INSYN2B: variants seen among roughly 807,000 people sequenced by gnomAD.
INSYN2B encodes inhibitory synaptic factor family member 2B.
INSYN2B carries 16 observed loss-of-function variants against 41.2 expected under a neutral mutation model. The ratio of observed to expected loss-of-function variants is 0.39; its 90% CI spans 0.26 to 0.59. The LOEUF (loss-of-function observed/expected upper bound fraction) is 0.59. Among genes scored for constraint, INSYN2B ranks in the 20% least tolerant of loss-of-function variants. The probability of loss-of-function intolerance (pLI) is 0.57; values close to 1 mark genes in which losing one functional copy is unlikely to be tolerated. For missense variants in INSYN2B, 608 were observed against 646.4 expected, an observed-to-expected ratio of 0.94 and a Z score of 0.64; for synonymous variants, 245 against 244.4, an observed-to-expected ratio of 1.00 and a Z score of -0.02.
At chr5:169,895,957 C>T (rs1443365558) in intron 1 of INSYN2B, among the ~76,000 whole-genome samples, 4 of 152,216 alleles carry the variant, frequency 2.6e-5, no homozygotes, top group African/African-American at 4.8e-5. Flanking sequence ...TACCACTACC[C>T]TTGTCTTGCC....
intron 1 of INSYN2B, among the ~76,000 whole-genome samples, chr5:169,926,632 T>C (rs1462499935): frequency 6.6e-6 from 1 of 152,180 alleles, no homozygotes; most frequent in African/African-American, 2.4e-5. Context: ...TGCATTAGAA[T>C]GCATTATGCC....
intron 1 of INSYN2B, among the ~76,000 whole-genome samples, chr5:169,916,759 T>C (rs1774895884): frequency 6.6e-6 from 1 of 152,210 alleles, no homozygotes; most frequent in East Asian, 1.9e-4. Context: ...ATTTGGCATA[T>C]ATAAGTCATT....
chr5:169,963,378 C>T (rs998249035), intron 1 of INSYN2B, among the ~76,000 whole-genome samples: 20 of 152,146 alleles, frequency 1.3e-4, no homozygotes, highest in African/African-American at 4.8e-4. Context: ...GGCCTCCATC[C>T]CTCTCTGCTC....
intron 1 of INSYN2B, among the ~76,000 whole-genome samples, chr5:169,917,473 T>C (rs911930017): frequency 1.3e-5 from 2 of 152,184 alleles, no homozygotes; most frequent in Non-Finnish European, 2.9e-5. Flanking sequence ...TGACTATCAG[T>C]GGAGCAGATT....
intron 3 of INSYN2B, among the ~76,000 whole-genome samples, chr5:169,879,499 ACAGT>A (rs1315028288): frequency 2.0e-5 from 3 of 152,186 alleles, no homozygotes; most frequent in African/African-American, 7.2e-5. Context: ...TTCTGGGAGA[ACAGT>A]CTGGCTTTGA....
chr5:169,980,299 C>T lies in INSYN2B; in HGVS notation c.-941G>A, dbSNP rs1777894347. On this transcript the variant is annotated 5_prime_UTR_variant, in exon 1 of 4. Transcript: ENST00000377365. ...TACCTTGAAGCAGTGGAATTACCTG[C>T]AGAGGATGGTCCCCCTTCCTTGCAC... is the stretch of plus-strand genomic sequence containing the variant. The T allele has an allele frequency of 6.6e-6, 1 of 152,190 alleles. No homozygotes were observed. Among genetic ancestry groups the T allele is most frequent in the Admixed American group, 6.5e-5 (1 of 15,274 alleles). The allele number at this position is 152,190 out of a possible 1,614,324, so 9.4% of individuals were successfully genotyped here. A position where few individuals can be genotyped will look rare whatever the true frequency, so the allele number is the denominator to read the frequency against.
At chr5:169,926,133 C>G (rs1283321647) in intron 1 of INSYN2B, among the ~76,000 whole-genome samples, 1 of 152,140 alleles carries the variant, frequency 6.6e-6, no homozygotes, top group Non-Finnish European at 1.5e-5. Context: ...TCTGGGAAGC[C>G]AGTCAGGCCA....
chr5:169,932,183 T>A (rs1775786552), intron 1 of INSYN2B, among the ~76,000 whole-genome samples: 2 of 152,126 alleles, frequency 1.3e-5, no homozygotes, highest in South Asian at 4.1e-4. Flanking sequence ...ACGGTGAGTA[T>A]CTGATTTTTA....
chr5:169,970,200 A>G (rs942581777), intron 1 of INSYN2B, among the ~76,000 whole-genome samples: 2 of 152,250 alleles, frequency 1.3e-5, no homozygotes, highest in South Asian at 2.1e-4. Context: ...GATGCCGTGC[A>G]CAGAATGTAA....
intron 1 of INSYN2B, among the ~76,000 whole-genome samples, chr5:169,954,948 G>C (rs1194655884): frequency 6.6e-6 from 1 of 152,188 alleles, no homozygotes; most frequent in Non-Finnish European, 1.5e-5. Flanking sequence ...ACCTAGCAGG[G>C]GCATTAGGAA....
At chr5:169,921,292 G>C (rs560273106) in intron 1 of INSYN2B, among the ~76,000 whole-genome samples, 1 of 152,228 alleles carries the variant, frequency 6.6e-6, no homozygotes, top group South Asian at 2.1e-4. Flanking sequence ...ATATTATATA[G>C]GAAATCTCAT....
At chr5:169,873,469 G>A (rs771847231) in intron 3 of INSYN2B, among the ~76,000 whole-genome samples, 1 of 152,318 alleles carries the variant, frequency 6.6e-6, no homozygotes, top group Middle Eastern at 3.4e-3. Context: ...TTTGATGAGA[G>A]CTGCAAATGC....
At chr5:169,876,141 G>A (rs560046016) in intron 3 of INSYN2B, among the ~76,000 whole-genome samples, 4 of 152,150 alleles carry the variant, frequency 2.6e-5, no homozygotes, top group Non-Finnish European at 5.9e-5. Context: ...CTCCTTCTCT[G>A]ACTCTGATCC....
intron 1 of INSYN2B, among the ~76,000 whole-genome samples, chr5:169,927,955 T>C (rs986666460): frequency 2.0e-5 from 3 of 152,224 alleles, no homozygotes; most frequent in Non-Finnish European, 2.9e-5. Context: ...TGAGATGGTA[T>C]AACCAGCAGG....
At chr5:169,875,333 C>T (rs544701543) in intron 3 of INSYN2B, 60 of 456,498 alleles carry the variant, frequency 1.3e-4, no homozygotes, top group Non-Finnish European at 2.5e-4. Flanking sequence ...CAGGAGGTTC[C>T]GATGCAGATG....
intron 3 of INSYN2B, among the ~76,000 whole-genome samples, chr5:169,867,447 A>ATCTGTCTG (rs80041345): frequency 6.6e-6 from 1 of 150,846 alleles, no homozygotes; most frequent in Non-Finnish European, 1.5e-5. Flanking sequence ...CTATCTATCT[A>ATCTGTCTG]TCTGTCTGTC....
intron 1 of INSYN2B, among the ~76,000 whole-genome samples, chr5:169,972,346 G>C (rs1162601071): frequency 1.3e-5 from 2 of 152,126 alleles, no homozygotes; most frequent in African/African-American, 4.8e-5. Context: ...CTCAACATCA[G>C]TGCTAGTGAC....
intron 1 of INSYN2B, among the ~76,000 whole-genome samples, chr5:169,949,885 AC>A (rs1209848828): frequency 6.6e-6 from 1 of 151,972 alleles, no homozygotes; most frequent in Non-Finnish European, 1.5e-5. Flanking sequence ...CACCATACAT[AC>A]GTGCTCATAT....
chr5:169,955,632 A>T (rs1356771231), intron 1 of INSYN2B, among the ~76,000 whole-genome samples: 1 of 152,222 alleles, frequency 6.6e-6, no homozygotes, highest in Admixed American at 6.5e-5. Context: ...ATGAAGCAGT[A>T]TCATGCAGGA....
Sources: allele counts gnomAD v4.1 joint callset (sites outside exome capture counted in the v4.1 genomes callset), GRCh38; gene constraint gnomAD v4.1.1; transcripts MANE v1.5; gene names NCBI Gene and HGNC (gene_info 2026-07-23, HGNC 2026-07-21).